The following HEATR9 variants were observed in gnomAD, a reference collection of about 807,000 sequenced individuals.
The protein encoded by HEATR9 is HEAT repeat containing 9, also known as protein HEATR9.
A neutral mutation model predicts 68.2 loss-of-function variants in HEATR9; 54 were observed. The observed-to-expected ratio is 0.79, with a 90% CI of 0.64 to 0.99. The LOEUF (loss-of-function observed/expected upper bound fraction) is 0.99, where lower values mean the gene tolerates loss of function less well. Ranked by LOEUF, HEATR9 falls within the 50% of genes least tolerant of loss-of-function variation. The pLI, the probability that HEATR9 is intolerant of heterozygous loss-of-function variation, is 0.00. For missense variants in HEATR9, 662 were observed against 679.7 expected, an observed-to-expected ratio of 0.97 and a Z score of 0.29; for synonymous variants, 241 against 253.5, an observed-to-expected ratio of 0.95 and a Z score of 0.47.
At chr17:35,866,349 TTTG>T (rs1280672810) in intron 2 of HEATR9, among the ~76,000 whole-genome samples, 4 of 152,206 alleles carry the variant, frequency 2.6e-5, no homozygotes, top group Non-Finnish European at 5.9e-5. Context: ...TAAAACACCA[TTTG>T]TTGTTTATCC....
At chr17:35,857,854 T>C (rs568237096) in intron 11 of HEATR9, among the ~76,000 whole-genome samples, 33 of 152,092 alleles carry the variant, frequency 2.2e-4, no homozygotes, top group Non-Finnish European at 4.4e-4. Flanking sequence ...TTAATGCTGA[T>C]TGGTGATTTG....
chr17:35,861,422 CTT>C (rs2087987320), intron 8 of HEATR9: 6 of 1,608,524 alleles, frequency 3.7e-6, no homozygotes, highest in Non-Finnish European at 5.1e-6. Flanking sequence ...GTCCACCTAA[CTT>C]TGCGAGGATT....
intron 2 of HEATR9, among the ~76,000 whole-genome samples, chr17:35,866,098 C>T (rs1175403568): frequency 9.9e-5 from 15 of 152,152 alleles, no homozygotes; most frequent in Non-Finnish European, 4.4e-5. Context: ...TGCAACAGAT[C>T]TGGGCAACAG....
At chr17:35,862,959 G>C (rs369164945) in intron 8 of HEATR9, 36 bp downstream of exon 8, 1 of 1,613,922 alleles carries the variant, frequency 6.2e-7, no homozygotes, top group Non-Finnish European at 8.5e-7. Flanking sequence ...ACCTTGTCCA[G>C]CTTTGCCCCC....
intron 2 of HEATR9, among the ~76,000 whole-genome samples, chr17:35,866,129 G>A (rs1185295882): frequency 6.6e-6 from 1 of 151,936 alleles, no homozygotes. Flanking sequence ...CTTCAGCTGT[G>A]GTTCCCAACT....
At chr17:35,862,832 A>G (rs1303298028) in intron 8 of HEATR9, 163 bp downstream of exon 8, 2 of 965,772 alleles carry the variant, frequency 2.1e-6, no homozygotes, top group Non-Finnish European at 3.1e-6. Context: ...GTAAGTGGCC[A>G]AGCCATATGC....
At chr17:35,859,554 C>T (rs1057209912) in intron 8 of HEATR9, among the ~76,000 whole-genome samples, 2 of 152,218 alleles carry the variant, frequency 1.3e-5, no homozygotes, top group Non-Finnish European at 1.5e-5. Flanking sequence ...CTTTGCACTC[C>T]TCCACACCTC....
chr17:35,859,186 C>G, intron 8 of HEATR9, 116 bp from the exon 9 acceptor site: 1 of 932,280 alleles, frequency 1.1e-6, no homozygotes, highest in Non-Finnish European at 1.6e-6. Flanking sequence ...CAGATTATTT[C>G]AACCAATTAA....
At chr17:35,859,310 A>G (rs901049321) in intron 8 of HEATR9, among the ~76,000 whole-genome samples, 20 of 152,204 alleles carry the variant, frequency 1.3e-4, no homozygotes, top group African/African-American at 4.3e-4. Context: ...AATTCCTGTC[A>G]TTTAAAAGAA....
In HEATR9 at chr17:35,868,659, G is replaced by C. The variant is rs1439658454; in HGVS notation, c.84C>G (p.Thr28=). 6.2e-7 allele frequency: 1 copy of C among 1,613,972 alleles called. No individual in the cohort carries two copies. The highest frequency in any genetic ancestry group is 1.3e-5 in the African/African-American group (1 of 74,912). ...TTCTGTCCATCCCAGCCTCACCTTT[G>C]GTCTTGTCTGGATATTCCAGCCATG... ...LYPWLEYPDK[T]KELRKAMAPV... Residue 28 remains threonine (T), a synonymous_variant, in exon 1 of 15, where the codon ACC becomes ACG. Coordinates refer to ENST00000604834, the MANE Select transcript of HEATR9 (RefSeq NM_152781.4).
intron 11 of HEATR9, among the ~76,000 whole-genome samples, chr17:35,857,555 C>G (rs967807717): frequency 5.3e-5 from 8 of 152,082 alleles, no homozygotes; most frequent in Non-Finnish European, 8.8e-5. Flanking sequence ...GTCAGGAGAT[C>G]GAGCCCATCC....
Position 35,856,752 on chromosome 17 carries a change from C to T in HEATR9, c.1206G>A (p.Thr402=), listed in dbSNP as rs768368894. Residue 402 remains threonine, a synonymous_variant, in exon 12 of 15, where the codon ACG becomes ACA. Transcript: ENST00000604834. ...QTVEELKLKP[T]MMNLVEAQLM... ...CTCACGCCTCCACCAAGTTCATCAT[C>T]GTAGGCTTCAACTTGAGCTCTTCCA... 34 of 1,605,656 alleles carry T rather than the reference C, an allele frequency of 2.1e-5. No homozygotes were observed. The highest frequency in any genetic ancestry group is 8.5e-5 in the Admixed American group (5 of 59,058).
At position 35,856,195 on chromosome 17, in the gene HEATR9, C is replaced by T. The variant is rs368450766; in HGVS notation, c.1256G>A (p.Arg419His). 20 of 1,613,966 alleles carry T rather than the reference C, an allele frequency of 1.2e-5. No individual in the cohort carries two copies. The highest frequency in any genetic ancestry group is 4.0e-5 in the African/African-American group (3 of 74,890). Reference protein sequence around the residue: ...AQLMNPDATARQEAVISLGVL... With the variant: ...AQLMNPDATAHQEAVISLGVL... ...TACCAAAGAGATGACTGCTTCCTGG[C>T]GTGCAGTGGCATCTGGGTTCATCAG... The change falls in exon 13 of 15, where the codon CGC (arginine) becomes CAC (histidine). Residue 419 changes from arginine (R) to histidine (H), a missense_variant. By Grantham distance (29) the Arg-to-His change is conservative. Coordinates refer to ENST00000604834, the MANE Select transcript of HEATR9 (RefSeq NM_152781.4).
intron 8 of HEATR9, 148 bp from the exon 9 acceptor site, chr17:35,859,218 T>A: frequency 1.4e-6 from 1 of 712,856 alleles, no homozygotes. Context: ...TGTCACCTAC[T>A]TGCTTCTAGG....
At chr17:35,855,927 C>A (rs947538333) in intron 13 of HEATR9, among the ~76,000 whole-genome samples, 177 bp from the exon 14 acceptor site, 6 of 152,096 alleles carry the variant, frequency 3.9e-5, no homozygotes, top group African/African-American at 1.4e-4. Flanking sequence ...CTTTAATGCC[C>A]ATTATTTGCT....
rs1464739425 is a variant in HEATR9 at position 35,863,233 on chromosome 17, GGT to G, written c.626-110_626-109del. On this transcript the variant is annotated intron_variant, in intron 7 of 14. Coordinates refer to ENST00000604834, the MANE Select transcript of HEATR9 (RefSeq NM_152781.4). The stretch of plus-strand genomic sequence containing the variant: ...ATCGAGACCTAAGTTCCAAGTCCTA[GGT>G]ACCACAGTGTTGCTCATCTTCCCAG... The G allele has an allele frequency of 1.7e-5, 25 of 1,442,390 alleles. No individual in the cohort carries two copies. In the African/African-American group the frequency reaches 3.5e-4, roughly 20 times the overall value. The allele number at this position is 1,442,390 out of a possible 1,614,324, so 89.3% of individuals were successfully genotyped here. A position where few individuals can be genotyped will look rare whatever the true frequency, so the allele number is the denominator to read the frequency against.
chr17:35,856,331 A>T (rs2087770261), intron 12 of HEATR9, 107 bp from the exon 13 acceptor site: 2 of 1,612,254 alleles, frequency 1.2e-6, no homozygotes, highest in Admixed American at 1.7e-5. Context: ...AAGTGATGCT[A>T]ATTTCATTCA....
At chr17:35,856,636 C>T in intron 12 of HEATR9, 96 bp downstream of exon 12, 1 of 1,109,508 alleles carries the variant, frequency 9.0e-7, no homozygotes, top group South Asian at 1.3e-5. Context: ...TCAGCTCTCA[C>T]TGACCCTCTG....
intron 1 of HEATR9, among the ~76,000 whole-genome samples, chr17:35,867,428 C>CAAAAAAA (rs11315915): frequency 4.2e-4 from 17 of 40,084 alleles, no homozygotes; most frequent in East Asian, 1.0e-3. Flanking sequence ...GAGCAAGACT[C>CAAAAAAA]AAAAAAAAAA....
Sources: gnomAD v4.1 joint callset for allele counts (sites outside exome capture counted in the v4.1 genomes callset) on GRCh38, gnomAD v4.1.1 for gene constraint, MANE v1.5 for transcripts, NCBI Gene and HGNC (gene_info 2026-07-23, HGNC 2026-07-21) for gene names.